BTBD7: variants seen among roughly 807,000 people sequenced by gnomAD.
The protein encoded by BTBD7 is BTB domain containing 7, also known as BTB/POZ domain-containing protein 7.
BTBD7 carries 38 observed loss-of-function variants against 99.9 expected under a neutral mutation model. The ratio of observed to expected loss-of-function variants is 0.38; its 90% confidence interval spans 0.29 to 0.50. The LOEUF is 0.50. Ranked by LOEUF, BTBD7 falls within the 20% of genes least tolerant of loss-of-function variation. The pLI, the probability that BTBD7 is intolerant of heterozygous loss-of-function variation, is 0.93. For missense variants in BTBD7, 1,170 were observed against 1,394.6 expected, an observed-to-expected ratio of 0.84 and a Z score of 2.57; for synonymous variants, 520 against 511.4, an observed-to-expected ratio of 1.02 and a Z score of -0.23.
intron 3 of BTBD7, among the ~76,000 whole-genome samples, chr14:93,276,418 G>C (rs1198713879): frequency 1.3e-5 from 2 of 152,168 alleles, no homozygotes; most frequent in Non-Finnish European, 2.9e-5. Flanking sequence ...CAACTGAGTG[G>C]CTGGGGAACA....
Position 93,238,126 on chromosome 14 carries a change from C to G in BTBD7, c.*4147G>C, listed in dbSNP as rs2052181296. On this transcript the variant is annotated 3_prime_UTR_variant, in exon 11 of 11. Transcript: ENST00000334746. Reference sequence around the variant, plus strand: ...AGCTTATCTGATCTCTTAGACAGAACTCACATAAACACACAAATACAAGAG... The same window carrying G: ...AGCTTATCTGATCTCTTAGACAGAAGTCACATAAACACACAAATACAAGAG... 6.6e-6 allele frequency: 1 copy of G among 152,496 alleles called. No individual in the cohort carries two copies. Among genetic ancestry groups the G allele is most frequent in the African/African-American group, 2.4e-5 (1 of 41,410 alleles). The allele number at this position is 152,496 out of a possible 1,614,324, so 9.4% of individuals were successfully genotyped here. A position where few individuals can be genotyped will look rare whatever the true frequency, so the allele number is the denominator to read the frequency against.
chr14:93,244,566 T>C (rs1436017547), intron 10 of BTBD7, among the ~76,000 whole-genome samples: 2 of 152,136 alleles, frequency 1.3e-5, no homozygotes, highest in East Asian at 3.9e-4. Context: ...GGAGGATTGC[T>C]TGAACCCGGG....
chr14:93,266,750 G>A lies in BTBD7; in HGVS notation c.1163-2757C>T, dbSNP rs138250767. Among the ~76,000 whole-genome samples, 197 of 152,264 alleles carry A rather than the reference G, an allele frequency of 1.3e-3. 1 individual carries two copies. The highest frequency in any genetic ancestry group is 4.3e-3 in the African/African-American group (179 of 41,562). ...CTGATTTCATCACAAAGACAAAACC[G>A]TTTCTATAAGATGGTAACAGAGCAA... On this transcript the variant is annotated intron_variant, in intron 3 of 10. Transcript: ENST00000334746.
At chr14:93,323,530 C>CA (rs1450785044) in intron 1 of BTBD7, among the ~76,000 whole-genome samples, 17 of 152,044 alleles carry the variant, frequency 1.1e-4, no homozygotes, top group Non-Finnish European at 2.2e-4. Context: ...CTTAAGCAAG[C>CA]AAAAAATATT....
At chr14:93,310,066 A>C (rs2139802281) in intron 1 of BTBD7, among the ~76,000 whole-genome samples, 1 of 152,240 alleles carries the variant, frequency 6.6e-6, no homozygotes, top group African/African-American at 2.4e-5. Flanking sequence ...CCTGGACTCA[A>C]GTGATCCTCC....
intron 3 of BTBD7, among the ~76,000 whole-genome samples, chr14:93,279,980 C>T (rs1364459963): frequency 6.6e-6 from 1 of 152,146 alleles, no homozygotes; most frequent in Non-Finnish European, 1.5e-5. Context: ...GGTTTATAGA[C>T]CTAATGTGAT....
chr14:93,249,757 C>T lies in BTBD7; in HGVS notation c.1943-1103G>A, dbSNP rs370239528. 4.4e-4 allele frequency among the ~76,000 whole-genome samples: 66 copies of T among 151,364 alleles called. No individual in the cohort carries two copies. In the East Asian group the frequency reaches 7.9e-3, roughly 18 times the overall value. ...CCCTTTCTAGAAAAAGTATGCCGGC[C>T]GACAAGCTGGTGTAAAAGACAGAAT... On this transcript the variant is annotated intron_variant, in intron 8 of 10. Coordinates refer to ENST00000334746, the MANE Select transcript of BTBD7 (RefSeq NM_001002860.4).
intron 3 of BTBD7, among the ~76,000 whole-genome samples, chr14:93,281,840 C>T (rs1465971872): frequency 6.6e-6 from 1 of 152,128 alleles, no homozygotes; most frequent in African/African-American, 2.4e-5. Flanking sequence ...TTTTCTCCCC[C>T]AGCAATGAGC....
intron 1 of BTBD7, among the ~76,000 whole-genome samples, chr14:93,329,346 T>C (rs1434018810): frequency 6.6e-6 from 1 of 151,950 alleles, no homozygotes; most frequent in Non-Finnish European, 1.5e-5. Flanking sequence ...TCAGGATGAA[T>C]ATTAGGAAAA....
chr14:93,329,853 AAAG>A (rs1486644595), intron 1 of BTBD7, among the ~76,000 whole-genome samples: 3 of 152,222 alleles, frequency 2.0e-5, no homozygotes, highest in Non-Finnish European at 4.4e-5. Context: ...ACTCCAAATG[AAAG>A]AATTCTACAG....
chr14:93,325,369 C>A (rs1334131224), intron 1 of BTBD7, among the ~76,000 whole-genome samples: 1 of 152,048 alleles, frequency 6.6e-6, no homozygotes, highest in Non-Finnish European at 1.5e-5. Flanking sequence ...CTCAGGTGAT[C>A]CGCCCACCTC....
Position 93,242,459 on chromosome 14 carries a change from G to A in BTBD7, c.3213C>T (p.Asn1071=), listed in dbSNP as rs755337125. Residue 1071 remains asparagine (N), a synonymous_variant, in exon 11 of 11, where the codon AAC becomes AAT. Transcript: ENST00000334746. The part of the protein sequence containing the change: ...ETDLTFGLTP[N]RPSLSACSSE... ...AGCTACATGCAGAAAGTGAAGGTCT[G>A]TTAGGAGTCAGCCCAAAAGTCAAGT... 3 of 1,614,238 alleles carry A rather than the reference G, an allele frequency of 1.9e-6. No individual in the cohort carries two copies. Among genetic ancestry groups the A allele is most frequent in the Admixed American group, 1.7e-5 (1 of 60,032 alleles).
chr14:93,288,461 T>A, intron 3 of BTBD7: 2 of 708,836 alleles, frequency 2.8e-6, no homozygotes, highest in Non-Finnish European at 5.1e-6. Context: ...CCTGCTTATG[T>A]CTCACTGATT....
At chr14:93,308,544 T>C (rs139482944) in intron 1 of BTBD7, among the ~76,000 whole-genome samples, 1 of 152,168 alleles carries the variant, frequency 6.6e-6, no homozygotes, top group Non-Finnish European at 1.5e-5. Flanking sequence ...CTCAAACAGA[T>C]GTGTACACCC....
intron 3 of BTBD7, among the ~76,000 whole-genome samples, chr14:93,285,288 A>G (rs2052764357): frequency 6.6e-6 from 1 of 152,212 alleles, no homozygotes; most frequent in African/African-American, 2.4e-5. Flanking sequence ...AAAGTGACCA[A>G]GTTGCTAAGG....
intron 1 of BTBD7, among the ~76,000 whole-genome samples, chr14:93,302,742 G>A (rs1037593682): frequency 6.6e-6 from 1 of 152,158 alleles, no homozygotes; most frequent in Non-Finnish European, 1.5e-5. Flanking sequence ...CTACTCAGGA[G>A]GCTGAGACAG....
At chr14:93,280,439 C>T (rs2052705408) in intron 3 of BTBD7, among the ~76,000 whole-genome samples, 1 of 147,166 alleles carries the variant, frequency 6.8e-6, no homozygotes, top group South Asian at 2.3e-4. Flanking sequence ...AGATGAATAT[C>T]GCTAGAAACA....
intron 3 of BTBD7, among the ~76,000 whole-genome samples, chr14:93,292,296 T>A (rs1221860983): frequency 6.6e-6 from 1 of 152,086 alleles, no homozygotes; most frequent in Non-Finnish European, 1.5e-5. Context: ...TGAGAAAATA[T>A]AGTTTTTTTT....
In BTBD7 at chr14:93,242,096, A is replaced by C. The variant is rs1453655767; in HGVS notation, c.*177T>G. The C allele has an allele frequency of 6.7e-6, 4 of 592,608 alleles. No homozygotes were observed. The highest frequency in any genetic ancestry group is 8.6e-6 in the Non-Finnish European group (3 of 350,746). The allele number at this position is 592,608 out of a possible 1,614,324, so 36.7% of individuals were successfully genotyped here. On this transcript the variant is annotated 3_prime_UTR_variant, in exon 11 of 11. Coordinates refer to ENST00000334746, the MANE Select transcript of BTBD7 (RefSeq NM_001002860.4). The stretch of plus-strand genomic sequence containing the variant: ...AGACAGATGCAACATTAAAAAAAAA[A>C]AACAAAACCTTCTTAGCATGCCATG...
Sources: gnomAD v4.1 joint callset for allele counts (sites outside exome capture counted in the v4.1 genomes callset) on GRCh38, gnomAD v4.1.1 for gene constraint, MANE v1.5 for transcripts, NCBI Gene and HGNC (gene_info 2026-07-23, HGNC 2026-07-21) for gene names.